SOS2: variants seen among roughly 807,000 people sequenced by gnomAD.
The protein encoded by SOS2 is SOS Ras/Rho guanine nucleotide exchange factor 2.
A neutral mutation model predicts 148.2 loss-of-function variants in SOS2; 65 were observed. The ratio of observed to expected loss-of-function variants is 0.44; its 90% CI spans 0.36 to 0.54. The LOEUF is 0.54. Ranked by LOEUF, SOS2 falls within the 20% of genes least tolerant of loss-of-function variation. SOS2 has a pLI of 0.00. For missense variants in SOS2, 1,341 were observed against 1,590.2 expected (o/e 0.84, Z 2.67); for synonymous variants, 539 against 537.1 (o/e 1.00, Z -0.05).
chr14:50,122,391 C>CTTTTTTTTTTTTTTCT (rs1883542725), intron 21 of SOS2, among the ~76,000 whole-genome samples: 1 of 88,308 alleles, frequency 1.1e-5, no homozygotes, highest in African/African-American at 4.8e-5. Flanking sequence ...GAACCCTGGG[C>CTTTTTTTTTTTTTTCT]TTTTTTTTTT....
intron 21 of SOS2, among the ~76,000 whole-genome samples, chr14:50,123,588 G>A (rs143842379): frequency 6.6e-6 from 1 of 151,950 alleles, no homozygotes; most frequent in African/African-American, 2.4e-5. Context: ...TCACCATGTT[G>A]GCCAGGCTGG....
At chr14:50,169,295 G>A (rs543959217) in intron 8 of SOS2, among the ~76,000 whole-genome samples, 8 of 151,468 alleles carry the variant, frequency 5.3e-5, no homozygotes, top group South Asian at 4.2e-4. Flanking sequence ...CAGCCTGGGC[G>A]ACAGAGTGGG....
chr14:50,154,656 GA>G (rs765328980), intron 12 of SOS2, among the ~76,000 whole-genome samples: 2 of 152,154 alleles, frequency 1.3e-5, no homozygotes, highest in African/African-American at 2.4e-5. Flanking sequence ...ATAAGCCATT[GA>G]TACAAATTCA....
At chr14:50,128,322 A>C (rs114837903) in intron 21 of SOS2, among the ~76,000 whole-genome samples, 332 of 152,308 alleles carry the variant, frequency 2.2e-3, no homozygotes, top group African/African-American at 7.7e-3. Context: ...AAGGGAAACG[A>C]AAAGAAAAGA....
In SOS2 at chr14:50,118,556, G is replaced by A. The variant is rs1883388671; in HGVS notation, c.3787C>T (p.Pro1263Ser). The A allele has an allele frequency of 1.2e-6, 2 of 1,614,178 alleles. No homozygotes were observed. Among genetic ancestry groups the A allele is most frequent in the East Asian group, 2.2e-5 (1 of 44,890 alleles). ...STCPNSPSTP[P>S]STPSPRVPRR... Reference sequence around the variant, plus strand: ...GGTACCCTTGGAGAGGGTGTGCTAGGAGGAGTGCTTGGCGAATTTGGACAC... The same window carrying A: ...GGTACCCTTGGAGAGGGTGTGCTAGAAGGAGTGCTTGGCGAATTTGGACAC... Residue 1263 changes from proline (P) to serine (S), a missense_variant, in exon 23 of 23, where the codon CCT becomes TCT. Pro to Ser is a moderately conservative substitution (Grantham distance 74). Coordinates refer to ENST00000216373, the MANE Select transcript of SOS2 (RefSeq NM_006939.4).
chr14:50,190,105 A>G (rs144632105), intron 4 of SOS2, among the ~76,000 whole-genome samples: 3,567 of 152,090 alleles, frequency 0.023, 142 homozygotes, highest in African/African-American at 0.08. Context: ...CACCTGCCTC[A>G]GCCTCCCAAA....
chr14:50,214,947 T>C (rs975487656), intron 1 of SOS2, among the ~76,000 whole-genome samples: 1 of 151,610 alleles, frequency 6.6e-6, no homozygotes, highest in Non-Finnish European at 1.5e-5. Context: ...GCCATTCTCC[T>C]GCCTCGGCCT....
At chr14:50,153,839 C>T (rs1884737404) in intron 12 of SOS2, among the ~76,000 whole-genome samples, 1 of 152,318 alleles carries the variant, frequency 6.6e-6, no homozygotes, top group Admixed American at 6.5e-5. Context: ...TCTCGAACTC[C>T]TGATCTCAGG....
At chr14:50,204,599 C>CTT (rs1428121469) in intron 1 of SOS2, among the ~76,000 whole-genome samples, 190 bp from the exon 2 acceptor site, 2 of 152,154 alleles carry the variant, frequency 1.3e-5, no homozygotes, top group African/African-American at 4.8e-5. Flanking sequence ...GGTTCTTAAG[C>CTT]ATTTTTGGAC....
At chr14:50,220,590 C>T (rs1439145709) in intron 1 of SOS2, among the ~76,000 whole-genome samples, 2 of 151,926 alleles carry the variant, frequency 1.3e-5, no homozygotes, top group Non-Finnish European at 2.9e-5. Context: ...ACCTGGTTCT[C>T]ATACAACATT....
chr14:50,137,863 G>A (rs1001086155), intron 18 of SOS2, among the ~76,000 whole-genome samples: 44 of 151,902 alleles, frequency 2.9e-4, no homozygotes, highest in African/African-American at 8.7e-4. Context: ...TTTTTGAGAC[G>A]GAGTCTCCCT....
At chr14:50,128,891 A>T (rs1164329806) in intron 21 of SOS2, among the ~76,000 whole-genome samples, 1 of 152,126 alleles carries the variant, frequency 6.6e-6, no homozygotes, top group African/African-American at 2.4e-5. Context: ...AAGTGGTAGG[A>T]TTACAGGTAT....
At chr14:50,132,326 G>C (rs1422378485) in intron 19 of SOS2, among the ~76,000 whole-genome samples, 1 of 146,776 alleles carries the variant, frequency 6.8e-6, no homozygotes, top group East Asian at 2.0e-4. Flanking sequence ...AGACCAGCCT[G>C]GGCAATATAG....
intron 1 of SOS2, among the ~76,000 whole-genome samples, chr14:50,229,602 A>G (rs1887479272): frequency 6.6e-6 from 1 of 152,134 alleles, no homozygotes; most frequent in South Asian, 2.1e-4. Flanking sequence ...TGAGGCCAGA[A>G]GTTCAAGACC....
At chr14:50,229,593 G>C (rs1311676056) in intron 1 of SOS2, among the ~76,000 whole-genome samples, 1 of 151,822 alleles carries the variant, frequency 6.6e-6, no homozygotes, top group African/African-American at 2.4e-5. Flanking sequence ...CGGACTGCTT[G>C]AGGCCAGAAG....
intron 8 of SOS2, among the ~76,000 whole-genome samples, chr14:50,173,434 T>A (rs1382170509): frequency 1.3e-5 from 2 of 152,116 alleles, no homozygotes; most frequent in African/African-American, 2.4e-5. Context: ...TTTTTTTTAT[T>A]TTTTTGAGAC....
Position 50,158,617 on chromosome 14 carries a change from T to A in SOS2, c.1882A>T (p.Thr628Ser). 1 of 1,609,806 alleles carries A rather than the reference T, an allele frequency of 6.2e-7. No homozygotes were observed. The highest frequency in any genetic ancestry group is 8.5e-7 in the Non-Finnish European group (1 of 1,177,666). ...TGTGGTTTACAAAATGAACGATATG[T>A]GGTAAGAAAAGTACGAACAAAATTG... is the stretch of plus-strand genomic sequence containing the variant. ...DPNFVRTFLTTYRSFCKPQEL... is the reference protein window; with the variant it reads ...DPNFVRTFLTSYRSFCKPQEL... The change falls in exon 11 of 23, where the codon ACA becomes TCA. Residue 628 changes from threonine (T) to serine (S), a missense_variant. Thr to Ser is a moderately conservative substitution (Grantham distance 58). This residue lies in a region of SOS2 where 408 missense variants were observed against 506.6 expected (regional missense o/e 0.81). Transcript: ENST00000216373.
chr14:50,216,767 TAAATAAAAATAA>T (rs147001342), intron 1 of SOS2, among the ~76,000 whole-genome samples: 3 of 151,526 alleles, frequency 2.0e-5, no homozygotes, highest in African/African-American at 4.9e-5. Flanking sequence ...TAAACATGAA[TAAATAAAAATAA>T]AAATAAAAAT....
In SOS2 at chr14:50,118,428, C is replaced by T. The variant is rs1883375837; in HGVS notation, c.3915G>A (p.Leu1305=). 1 of 1,614,016 alleles carries T rather than the reference C, an allele frequency of 6.2e-7. No individual in the cohort carries two copies. The highest frequency in any genetic ancestry group is 1.1e-5 in the South Asian group (1 of 91,082). ...RQNSSPHLPK[L]PPKTYKRELS... ...GCTCCCGTTTGTAAGTCTTTGGTGG[C>T]AGTTTTGGCAGATGAGGGCTTGAAT... is the stretch of plus-strand genomic sequence containing the variant. Residue 1305 remains leucine (L), a synonymous_variant, in exon 23 of 23, where the codon CTG becomes CTA. Transcript: ENST00000216373.
Sources: gnomAD v4.1 joint callset for allele counts (sites outside exome capture counted in the v4.1 genomes callset) on GRCh38, gnomAD v4.1.1 for gene constraint, gnomAD v4.1.1 regional missense constraint, MANE v1.5 for transcripts, NCBI Gene and HGNC (gene_info 2026-07-23, HGNC 2026-07-21) for gene names.